The following DNAH17 variants were observed in gnomAD, a reference collection of about 807,000 sequenced individuals.
DNAH17 encodes axonemal beta dynein heavy chain 17.
Under a neutral mutation model 485.6 loss-of-function variants are expected in DNAH17, and 376 were observed. That is an observed-to-expected ratio of 0.77 (90% confidence interval 0.71 to 0.84). The LOEUF is 0.84. Among genes scored for constraint, DNAH17 ranks in the 40% least tolerant of loss-of-function variants. The probability of loss-of-function intolerance (pLI) is 0.00; values close to 1 mark genes in which losing one functional copy is unlikely to be tolerated. For synonymous variants in DNAH17, 3,031 were observed against 2,405.9 expected (o/e 1.26, Z -7.60); for missense variants, 6,370 against 5,839.3 (o/e 1.09, Z -2.96).
intron 30 of DNAH17, among the ~76,000 whole-genome samples, chr17:78,506,451 A>T (rs1016648499): frequency 1.3e-5 from 2 of 152,126 alleles, no homozygotes; most frequent in Non-Finnish European, 2.9e-5. Context: ...CATACGACCC[A>T]TTTTCTAGAA....
chr17:78,430,971 C>T (rs1392115387), intron 75 of DNAH17, among the ~76,000 whole-genome samples: 1 of 151,426 alleles, frequency 6.6e-6, no homozygotes, highest in African/African-American at 2.5e-5. Flanking sequence ...GCCTTGATCT[C>T]CTGGGTTCAA....
rs1453314612 is a variant in DNAH17 at position 78,462,841 on chromosome 17, T to A, written c.9174+3A>T. 1 of 1,613,860 alleles carries A rather than the reference T, an allele frequency of 6.2e-7. No homozygotes were observed. Among genetic ancestry groups the A allele is most frequent in the South Asian group, 1.1e-5 (1 of 91,048 alleles). On this transcript the variant is annotated splice_donor_region_variant and intron_variant, in intron 57 of 80. Transcript: ENST00000389840. ...GAGCTGGCAGCCAGCCCCCCTCTCCTACCTGGGAAGCCGTGCTCTGCAGCT... is the reference window on the plus strand; with the variant it reads ...GAGCTGGCAGCCAGCCCCCCTCTCCAACCTGGGAAGCCGTGCTCTGCAGCT...
Position 78,444,646 on chromosome 17 carries a change from A to G in DNAH17, c.11486T>C (p.Met3829Thr). 6.2e-7 allele frequency: 1 copy of G among 1,602,918 alleles called. No homozygotes were observed. Among genetic ancestry groups the G allele is most frequent in the Non-Finnish European group, 8.5e-7 (1 of 1,175,602 alleles). ...KNKTALQKLC[M>T]VRCLRPDRMT... ...GCGATCTGGCCGCAGGCAGCGCACC[A>G]TGCACAGCTTCTGCAGGGCCGTCTT... Residue 3829 changes from methionine to threonine, a missense_variant, in exon 71 of 81, where the codon ATG becomes ACG. Coordinates refer to ENST00000389840, the MANE Select transcript of DNAH17 (RefSeq NM_173628.4).
chr17:78,566,350 T>TA (rs1340252635), intron 11 of DNAH17, among the ~76,000 whole-genome samples: 1 of 152,230 alleles, frequency 6.6e-6, no homozygotes, highest in East Asian at 1.9e-4. Context: ...CCTTGTTTCT[T>TA]AGTGAGCATA....
rs1253741039 is a variant in DNAH17 at position 78,479,649 on chromosome 17, A to G, written c.7753-17T>C. The G allele has an allele frequency of 6.2e-7, 1 of 1,611,600 alleles. No homozygotes were observed. Among genetic ancestry groups the G allele is most frequent in the Non-Finnish European group, 8.5e-7 (1 of 1,179,652 alleles). On this transcript the variant is annotated splice_polypyrimidine_tract_variant and intron_variant, in intron 49 of 80. Coordinates refer to ENST00000389840, the MANE Select transcript of DNAH17 (RefSeq NM_173628.4). ...GAAATGGCGCTACCCCAAAACAACC[A>G]AACACTCCAGTCAGCCAGCTCTTGG...
At chr17:78,548,638 G>A (rs1194967266) in intron 16 of DNAH17, among the ~76,000 whole-genome samples, 1 of 152,146 alleles carries the variant, frequency 6.6e-6, no homozygotes, top group Admixed American at 6.5e-5. Flanking sequence ...CCTCCTTTTG[G>A]TCCTAACCCC....
At chr17:78,545,788 A>G (rs2091744560) in intron 16 of DNAH17, among the ~76,000 whole-genome samples, 1 of 152,274 alleles carries the variant, frequency 6.6e-6, no homozygotes. Context: ...TAGCTATATT[A>G]ACAATATTCT....
At chr17:78,535,555 T>C (rs544589764) in intron 19 of DNAH17, among the ~76,000 whole-genome samples, 2 of 152,154 alleles carry the variant, frequency 1.3e-5, no homozygotes, top group Non-Finnish European at 2.9e-5. Context: ...CACACGCACA[T>C]CCCTCCCTCC....
Position 78,466,790 on chromosome 17 carries a change from G to T in DNAH17, c.8805C>A (p.Gly2935=). ...LKVILCFSPV[G]SVLRVRARKF... Reference sequence around the variant, plus strand: ...TTCTGGCTCGTACCCGCAGCACGGAGCCCACAGGGGAGAAACACAGGATCA... The same window carrying T: ...TTCTGGCTCGTACCCGCAGCACGGATCCCACAGGGGAGAAACACAGGATCA... The change falls in exon 56 of 81, where the codon GGC becomes GGA. Residue 2935 remains glycine (G), a synonymous_variant. Coordinates refer to ENST00000389840, the MANE Select transcript of DNAH17 (RefSeq NM_173628.4). The T allele has an allele frequency of 6.3e-7, 1 of 1,598,966 alleles. No individual in the cohort carries two copies. Among genetic ancestry groups the T allele is most frequent in the Non-Finnish European group, 8.5e-7 (1 of 1,173,252 alleles).
Position 78,539,789 on chromosome 17 carries a change from T to C in DNAH17, c.2624A>G (p.Asp875Gly), listed in dbSNP as rs2091472454. 1 of 1,611,878 alleles carries C rather than the reference T, an allele frequency of 6.2e-7. No individual in the cohort carries two copies. Among genetic ancestry groups the C allele is most frequent in the Non-Finnish European group, 8.5e-7 (1 of 1,179,572 alleles). Residue 875 changes from aspartate (D) to glycine (G), a missense_variant, in exon 18 of 81, where the codon GAC becomes GGC. Transcript: ENST00000389840. The part of the protein sequence containing the change: ...YIDDMVLDEF[D>G]QFIRKSLSFL... ...ACTCAGAGATTTGCGAATGAACTGG[T>C]CAAATTCATCTAAGACCATGTCGTC...
At chr17:78,532,306 T>C (rs115323832) in intron 20 of DNAH17, among the ~76,000 whole-genome samples, 176 bp downstream of exon 20, 83 of 152,316 alleles carry the variant, frequency 5.4e-4, no homozygotes, top group African/African-American at 1.9e-3. Flanking sequence ...GCCCCCTTCT[T>C]GGGAACTGTA....
intron 67 of DNAH17, 126 bp downstream of exon 67, chr17:78,450,556 G>T: frequency 7.1e-7 from 1 of 1,410,964 alleles, no homozygotes. Flanking sequence ...CTCCTGCCCT[G>T]GGCCCACTCG....
intron 9 of DNAH17, among the ~76,000 whole-genome samples, chr17:78,567,827 G>C (rs999809134): frequency 2.6e-5 from 4 of 152,142 alleles, no homozygotes; most frequent in Non-Finnish European, 4.4e-5. Context: ...CCCGTTAGCT[G>C]GTTGTGTGTG....
rs1344809858 is a variant in DNAH17 at position 78,500,305 on chromosome 17, C to G, written c.5640G>C (p.Lys1880Asn). 6.2e-7 allele frequency: 1 copy of G among 1,610,828 alleles called. No individual in the cohort carries two copies. The highest frequency in any genetic ancestry group is 1.7e-5 in the Admixed American group (1 of 59,530). Residue 1880 changes from lysine to asparagine, a missense_variant and splice_region_variant, in exon 36 of 81, where the codon AAG becomes AAC. Physicochemically the swap from Lys to Asn is moderately conservative, Grantham distance 94 (BLOSUM62 0). Transcript: ENST00000389840. ...VFNCSEQMDYKSCGNIYKGLA... is the reference protein window; with the variant it reads ...VFNCSEQMDYNSCGNIYKGLA... ...CCTCCTCCGGACCCCGGCCGCGTAC[C>G]TTGTAGTCCATCTGCTCGGAGCAGT...
At chr17:78,529,346 C>G in intron 22 of DNAH17, 126 bp downstream of exon 22, 1 of 930,460 alleles carries the variant, frequency 1.1e-6, no homozygotes, top group Non-Finnish European at 1.7e-6. Context: ...CCATGGGGAT[C>G]TGATGTCCAG....
At chr17:78,540,165 G>A (rs536023195) in intron 17 of DNAH17, among the ~76,000 whole-genome samples, 45 of 151,738 alleles carry the variant, frequency 3.0e-4, no homozygotes, top group African/African-American at 1.1e-3. Flanking sequence ...CTAGCAAACT[G>A]TTATTTATGC....
Position 78,429,244 on chromosome 17 carries a change from G to T in DNAH17, c.12282C>A (p.Ile4094=), listed in dbSNP as rs773003626. The part of the protein sequence containing the change: ...LFGEIMYGGH[I]TDDWDRRLCR... ...ACAGCCGACGGTCCCAGTCATCTGT[G>T]ATGTGGCCGCCATACATGATTTCAC... The change falls in exon 76 of 81, where the codon ATC becomes ATA. Residue 4094 remains isoleucine (I), a synonymous_variant. Transcript: ENST00000389840. The T allele has an allele frequency of 1.9e-6, 3 of 1,613,984 alleles. No homozygotes were observed. In the Admixed American group the frequency reaches 5.0e-5, roughly 27 times the overall value.
At chr17:78,445,319 G>A (rs564030872) in intron 70 of DNAH17, among the ~76,000 whole-genome samples, 29 of 152,282 alleles carry the variant, frequency 1.9e-4, no homozygotes, top group African/African-American at 6.3e-4. Context: ...CTCTCTGCTT[G>A]CTGTGTGCAG....
intron 57 of DNAH17, among the ~76,000 whole-genome samples, chr17:78,462,499 C>T (rs1001137784): frequency 1.3e-5 from 2 of 152,038 alleles, no homozygotes; most frequent in African/African-American, 4.8e-5. Context: ...TGAGCCAGGC[C>T]CCATGGTATG....
Sources: gnomAD v4.1 joint callset for allele counts (sites outside exome capture counted in the v4.1 genomes callset) on GRCh38, gnomAD v4.1.1 for gene constraint, MANE v1.5 for transcripts, NCBI Gene and HGNC (gene_info 2026-07-23, HGNC 2026-07-21) for gene names.